Variants in TNNI3K observed in about 807,000 individuals in gnomAD.
The protein encoded by TNNI3K is TNNI3 interacting kinase.
TNNI3K carries 140 observed loss-of-function variants against 114.5 expected under a neutral mutation model. The ratio of observed to expected loss-of-function variants is 1.22; its 90% CI spans 1.07 to 1.41. The LOEUF (loss-of-function observed/expected upper bound fraction) is 1.41. Among genes scored for constraint, TNNI3K ranks in the 40% most tolerant of loss-of-function variants. TNNI3K has a pLI of 0.00. For synonymous variants in TNNI3K, 347 were observed against 347.5 expected, an observed-to-expected ratio of 1.00 and a Z score of 0.02; for missense variants, 1,125 against 1,007.6, an observed-to-expected ratio of 1.12 and a Z score of -1.58.
intron 19 of TNNI3K, among the ~76,000 whole-genome samples, chr1:74,437,719 C>T (rs1270869787): frequency 2.6e-5 from 4 of 151,906 alleles, no homozygotes; most frequent in Non-Finnish European, 5.9e-5. Flanking sequence ...GGACACAAAG[C>T]TCATCCCAGA....
intron 5 of TNNI3K, among the ~76,000 whole-genome samples, chr1:74,299,419 G>T (rs1359824625): frequency 3.5e-4 from 1 of 2,894 alleles, no homozygotes; most frequent in Non-Finnish European, 6.9e-3. Context: ...AATCTTGAAA[G>T]ACTTTTTTGA....
chr1:74,310,564 A>G (rs2100349806), intron 5 of TNNI3K, among the ~76,000 whole-genome samples: 1 of 152,310 alleles, frequency 6.6e-6, no homozygotes, highest in Non-Finnish European at 1.5e-5. Context: ...CCAACTCCAA[A>G]CTATACTACA....
chr1:74,285,051 C>T (rs779468053), intron 5 of TNNI3K, among the ~76,000 whole-genome samples: 4 of 152,150 alleles, frequency 2.6e-5, no homozygotes, highest in Non-Finnish European at 5.9e-5. Context: ...AAAGATTATT[C>T]TTAGTTAGAG....
At chr1:74,253,734 C>T (rs900616973) in intron 4 of TNNI3K, among the ~76,000 whole-genome samples, 3 of 152,110 alleles carry the variant, frequency 2.0e-5, no homozygotes, top group Non-Finnish European at 4.4e-5. Flanking sequence ...CCTCTCCCTC[C>T]ACACCTCCCC....
intron 4 of TNNI3K, among the ~76,000 whole-genome samples, chr1:74,263,824 G>T (rs1006029535): frequency 6.6e-6 from 1 of 151,852 alleles, no homozygotes; most frequent in Non-Finnish European, 1.5e-5. Flanking sequence ...TTATTTAAAT[G>T]TTATTTTTAA....
At chr1:74,489,167 A>G (rs1160328965) in intron 21 of TNNI3K, 22 bp from the exon 22 acceptor site, 1 of 1,598,326 alleles carries the variant, frequency 6.3e-7, no homozygotes, top group East Asian at 2.2e-5. Flanking sequence ...TAAGGGAAAA[A>G]AGTTCTTTTT....
chr1:74,434,360 A>C (rs924133152), intron 17 of TNNI3K, among the ~76,000 whole-genome samples: 4 of 152,030 alleles, frequency 2.6e-5, no homozygotes, highest in Non-Finnish European at 5.9e-5. Flanking sequence ...TCCCCAATCT[A>C]GAATTCATTT....
chr1:74,256,242 G>A (rs1655287855), intron 4 of TNNI3K, among the ~76,000 whole-genome samples: 1 of 131,728 alleles, frequency 7.6e-6, no homozygotes, highest in Non-Finnish European at 1.6e-5. Flanking sequence ...TATGAGAGCT[G>A]TAGTTTTTTC....
chr1:74,253,153 C>T (rs189016104), intron 4 of TNNI3K, among the ~76,000 whole-genome samples: 190 of 152,262 alleles, frequency 1.2e-3, no homozygotes, highest in African/African-American at 4.1e-3. Flanking sequence ...ACACAGGGTG[C>T]TGATGGTGTG....
chr1:74,538,472 G>T (rs1422056164), intron 23 of TNNI3K, among the ~76,000 whole-genome samples: 1 of 152,082 alleles, frequency 6.6e-6, no homozygotes, highest in Non-Finnish European at 1.5e-5. Context: ...ATATAGCAGG[G>T]AACAAGAGAA....
chr1:74,495,332 T>C (rs1216399782), intron 23 of TNNI3K, among the ~76,000 whole-genome samples: 6 of 152,224 alleles, frequency 3.9e-5, no homozygotes, highest in Non-Finnish European at 8.8e-5. Context: ...AGTTTTAAAA[T>C]GTGTCAAAAT....
intron 5 of TNNI3K, among the ~76,000 whole-genome samples, chr1:74,281,844 C>T (rs1657034970): frequency 6.6e-6 from 1 of 152,060 alleles, no homozygotes; most frequent in East Asian, 1.9e-4. Context: ...TTGGAACTTC[C>T]TGGTTTACAA....
At chr1:74,380,330 C>A (rs918931882) in intron 17 of TNNI3K, among the ~76,000 whole-genome samples, 1 of 152,180 alleles carries the variant, frequency 6.6e-6, no homozygotes, top group Admixed American at 6.6e-5. Flanking sequence ...CTACTCCACA[C>A]TGGAACCTGG....
At chr1:74,362,274 C>T (rs1570522664) in intron 11 of TNNI3K, among the ~76,000 whole-genome samples, 1 of 152,094 alleles carries the variant, frequency 6.6e-6, no homozygotes, top group African/African-American at 2.4e-5. Context: ...TTTATCATTA[C>T]TGTGAAAGTT....
chr1:74,309,398 T>C (rs1461800592), intron 5 of TNNI3K, among the ~76,000 whole-genome samples: 1 of 118,652 alleles, frequency 8.4e-6, no homozygotes, highest in Non-Finnish European at 1.8e-5. Flanking sequence ...ATAATATCAA[T>C]CTTACTGAAA....
At chr1:74,241,995 A>G (rs896001663) in intron 2 of TNNI3K, among the ~76,000 whole-genome samples, 9 of 151,710 alleles carry the variant, frequency 5.9e-5, no homozygotes, top group South Asian at 4.2e-4. Flanking sequence ...GACTACAGGC[A>G]CCCACCACCA....
chr1:74,258,282 T>G lies in TNNI3K; in HGVS notation c.333+7513T>G, dbSNP rs556552079. Among the ~76,000 whole-genome samples the G allele has an allele frequency of 4.5e-4, 66 of 146,854 alleles. No individual in the cohort carries two copies. In the South Asian group the frequency reaches 5.6e-3, roughly 12 times the overall value. On this transcript the variant is annotated intron_variant, in intron 4 of 24. Coordinates refer to ENST00000326637, the MANE Select transcript of TNNI3K (RefSeq NM_015978.3). ...TCTGCAGTGCCCTCTCTGTGCAGCT[T>G]CTTCTTCTCGGTTACCCTGCTCCAC... is the stretch of plus-strand genomic sequence containing the variant.
chr1:74,537,325 T>C (rs535771576), intron 23 of TNNI3K, among the ~76,000 whole-genome samples: 2 of 152,322 alleles, frequency 1.3e-5, no homozygotes, highest in South Asian at 2.1e-4. Context: ...TTGAGTGATA[T>C]TCTATTGCCA....
chr1:74,466,465 C>T (rs1667685722), intron 21 of TNNI3K, among the ~76,000 whole-genome samples: 1 of 151,842 alleles, frequency 6.6e-6, no homozygotes, highest in African/African-American at 2.4e-5. Context: ...CCAAAGGATA[C>T]TGTTAAAAAA....
Sources: allele counts gnomAD v4.1 joint callset (sites outside exome capture counted in the v4.1 genomes callset), GRCh38; gene constraint gnomAD v4.1.1; transcripts MANE v1.5; gene names NCBI Gene and HGNC (gene_info 2026-07-23, HGNC 2026-07-21).